The following DCAF6 variants were observed in gnomAD, a reference collection of about 807,000 sequenced individuals.
DCAF6 encodes DDB1- and CUL4-associated factor 6.
DCAF6 carries 54 observed loss-of-function variants against 125.1 expected under a neutral mutation model. That is an observed-to-expected ratio of 0.43 (90% CI 0.35 to 0.54). The LOEUF (loss-of-function observed/expected upper bound fraction) is 0.54. DCAF6 is among the 20% of genes least tolerant of loss of function. The pLI is 0.01. For synonymous variants in DCAF6, 371 were observed against 390.4 expected (o/e 0.95, Z 0.58); for missense variants, 934 against 1,161.7 (o/e 0.80, Z 2.85).
intron 10 of DCAF6, among the ~76,000 whole-genome samples, chr1:168,008,120 C>A (rs1683616515): frequency 6.6e-6 from 1 of 151,882 alleles, no homozygotes; most frequent in Admixed American, 6.6e-5. Context: ...CAGGTTCCTG[C>A]CACCACACCC....
the DCAF6 span, chr1:167,905,301 G>T: frequency 1.1e-6 from 1 of 905,914 alleles, no homozygotes; most frequent in East Asian, 2.6e-5. Flanking sequence ...CCTGCTTATA[G>T]TGGTGAAAAT....
At chr1:167,999,620 T>C (rs1008775645) in intron 7 of DCAF6, among the ~76,000 whole-genome samples, 7 of 152,212 alleles carry the variant, frequency 4.6e-5, no homozygotes, top group Admixed American at 1.3e-4. Context: ...CTTGTACTTT[T>C]ATGTTACAGA....
chr1:167,956,150 T>G (rs1674755874), intron 2 of DCAF6, among the ~76,000 whole-genome samples: 2 of 152,214 alleles, frequency 1.3e-5, no homozygotes, highest in Admixed American at 1.3e-4. Context: ...TTCTCCTCTA[T>G]TACTAACTTG....
chr1:168,018,947 G>T (rs1041051379), intron 11 of DCAF6, among the ~76,000 whole-genome samples: 6 of 152,042 alleles, frequency 3.9e-5, no homozygotes, highest in Non-Finnish European at 8.8e-5. Context: ...AGTGTAGCTT[G>T]CTGTAATTTA....
chr1:167,966,895 T>C (rs138248125), intron 3 of DCAF6, among the ~76,000 whole-genome samples, 174 bp downstream of exon 3: 29 of 152,288 alleles, frequency 1.9e-4, no homozygotes, highest in Non-Finnish European at 3.4e-4. Flanking sequence ...TCTCTTAGAT[T>C]ACTTAGGGAA....
chr1:167,909,690 T>C, the DCAF6 span, among the ~76,000 whole-genome samples: 2 of 152,200 alleles, frequency 1.3e-5, no homozygotes, highest in Non-Finnish European at 2.9e-5. Context: ...TAGATCTTGC[T>C]AAACAGCTTT....
At position 168,023,077 on chromosome 1, in the gene DCAF6, A is replaced by G. The variant is rs562642049; in HGVS notation, c.1609+30A>G. 3.7e-6 allele frequency: 6 copies of G among 1,608,592 alleles called. No homozygotes were observed. The Admixed American group carries it at 5.0e-5, about 13-fold the overall frequency. On this transcript the variant is annotated intron_variant, in intron 12 of 21. Coordinates refer to ENST00000367840, the MANE Select transcript of DCAF6 (RefSeq NM_001198956.2). ...GTGCAACAGGAGATGCGCTATGCCC[A>G]TCCATCCATAGCTTTATTGCAATGC...
intron 10 of DCAF6, among the ~76,000 whole-genome samples, chr1:168,005,305 C>T (rs1272986274): frequency 6.6e-6 from 1 of 152,010 alleles, no homozygotes; most frequent in Non-Finnish European, 1.5e-5. Flanking sequence ...CTAGTATTTA[C>T]ATGAAAAAGA....
At chr1:167,869,587 CT>C in the DCAF6 span, among the ~76,000 whole-genome samples, 1 of 152,198 alleles carries the variant, frequency 6.6e-6, no homozygotes, top group Non-Finnish European at 1.5e-5. Flanking sequence ...AATTCGACCC[CT>C]GACCTAGCAA....
Position 168,000,560 on chromosome 1 carries a change from T to C in DCAF6, c.904-1922T>C, listed in dbSNP as rs1448968851. On this transcript the variant is annotated intron_variant, in intron 7 of 21. Transcript: ENST00000367840. ...TTCCTACAGAAACTTGTACATATGC[T>C]TAATTCAGCATTATTCATAATAGCC... 2.0e-5 allele frequency among the ~76,000 whole-genome samples: 3 copies of C among 152,272 alleles called. No individual in the cohort carries two copies. In the East Asian group the frequency reaches 5.8e-4, roughly 29 times the overall value.
At chr1:167,973,220 C>G (rs894449644) in intron 3 of DCAF6, among the ~76,000 whole-genome samples, 1 of 152,154 alleles carries the variant, frequency 6.6e-6, no homozygotes, top group African/African-American at 2.4e-5. Flanking sequence ...AATGTTGCTC[C>G]ATTTGGATTT....
At chr1:167,896,587 G>A in the DCAF6 span, 1 of 1,600,262 alleles carries the variant, frequency 6.2e-7, no homozygotes, top group Non-Finnish European at 8.6e-7. Context: ...TCCATGGTGG[G>A]TACTTACTTT....
chr1:167,915,985 T>C, the DCAF6 span, among the ~76,000 whole-genome samples: 4 of 152,224 alleles, frequency 2.6e-5, no homozygotes, highest in Non-Finnish European at 5.9e-5. Context: ...AAAACTTACA[T>C]AGTGAAGCTA....
At chr1:167,881,658 C>T in the DCAF6 span, among the ~76,000 whole-genome samples, 2 of 152,200 alleles carry the variant, frequency 1.3e-5, no homozygotes, top group Non-Finnish European at 2.9e-5. Flanking sequence ...ACACCAAGTG[C>T]CTCACACATA....
the DCAF6 span, among the ~76,000 whole-genome samples, chr1:167,864,413 A>G: frequency 0.044 from 6,720 of 152,266 alleles, 359 homozygotes; most frequent in African/African-American, 0.13. Flanking sequence ...ATCAGAAGGA[A>G]GCCTAGACAG....
chr1:167,870,999 T>C, the DCAF6 span, among the ~76,000 whole-genome samples: 1 of 152,152 alleles, frequency 6.6e-6, no homozygotes, highest in Non-Finnish European at 1.5e-5. Flanking sequence ...AATTATAGTG[T>C]AGAAAACTGA....
intron 4 of DCAF6, among the ~76,000 whole-genome samples, chr1:167,984,833 A>T (rs1393109512): frequency 6.6e-6 from 1 of 152,228 alleles, no homozygotes; most frequent in African/African-American, 2.4e-5. Context: ...TAAATTAAAA[A>T]TTATGTATAG....
intron 17 of DCAF6, among the ~76,000 whole-genome samples, chr1:168,057,340 C>T (rs1053139767): frequency 3.9e-5 from 6 of 152,142 alleles, no homozygotes; most frequent in African/African-American, 1.4e-4. Flanking sequence ...GTTTCTGCTT[C>T]ATGTAACTTC....
At chr1:167,907,132 C>G in the DCAF6 span, among the ~76,000 whole-genome samples, 3 of 152,172 alleles carry the variant, frequency 2.0e-5, no homozygotes, top group Admixed American at 2.0e-4. Flanking sequence ...ACTGAAAGAA[C>G]TGACAGGTGT....
Sources: gnomAD v4.1 joint callset for allele counts (sites outside exome capture counted in the v4.1 genomes callset) on GRCh38, gnomAD v4.1.1 for gene constraint, MANE v1.5 for transcripts, NCBI Gene and HGNC (gene_info 2026-07-23, HGNC 2026-07-21) for gene names.